The following MTUS2 variants were observed in gnomAD, a reference collection of about 807,000 sequenced individuals.
MTUS2 encodes microtubule-associated tumor suppressor candidate 2.
MTUS2 carries 40 observed loss-of-function variants against 114.1 expected under a neutral mutation model. The observed-to-expected ratio is 0.35, with a 90% CI of 0.27 to 0.46. The LOEUF (loss-of-function observed/expected upper bound fraction) is 0.46. Ranked by LOEUF, MTUS2 falls within the 20% of genes least tolerant of loss-of-function variation. MTUS2 has a pLI of 1.00. For missense variants in MTUS2, 1,679 were observed against 1,705.4 expected (o/e 0.98, Z 0.27); for synonymous variants, 688 against 672.0 (o/e 1.02, Z -0.37).
At chr13:29,027,205 T>G (rs2138492583) in intron 3 of MTUS2, among the ~76,000 whole-genome samples, 1 of 152,328 alleles carries the variant, frequency 6.6e-6, no homozygotes, top group Non-Finnish European at 1.5e-5. Flanking sequence ...CTTCCATGTT[T>G]AAATAAGTGA....
chr13:29,051,039 A>C (rs1333641891), intron 4 of MTUS2, among the ~76,000 whole-genome samples: 1 of 152,176 alleles, frequency 6.6e-6, no homozygotes, highest in African/African-American at 2.4e-5. Context: ...AAAGTTTTAA[A>C]CATCATCTGA....
intron 5 of MTUS2, chr13:29,250,698 C>T (rs1472592876): frequency 6.6e-6 from 1 of 152,106 alleles, no homozygotes; most frequent in Non-Finnish European, 1.5e-5. Context: ...CATACGACTT[C>T]TCATTTTGAA....
chr13:29,224,174 A>C (rs1436177610), intron 5 of MTUS2, among the ~76,000 whole-genome samples: 5 of 152,218 alleles, frequency 3.3e-5, no homozygotes, highest in African/African-American at 1.2e-4. Context: ...TAAAGGTGCC[A>C]CTGGCCATAA....
At chr13:29,152,400 A>G (rs756270677) in intron 5 of MTUS2, among the ~76,000 whole-genome samples, 6 of 152,200 alleles carry the variant, frequency 3.9e-5, no homozygotes, top group Non-Finnish European at 8.8e-5. Context: ...CTGAATAACA[A>G]GTTATCCCAA....
Position 29,158,941 on chromosome 13 carries a change from G to T in MTUS2, c.2644+57971G>T, listed in dbSNP as rs928006. 2.6e-5 allele frequency among the ~76,000 whole-genome samples: 4 copies of T among 152,070 alleles called. No homozygotes were observed. The East Asian group carries it at 5.8e-4, about 22-fold the overall frequency. On this transcript the variant is annotated intron_variant, in intron 5 of 15. Transcript: ENST00000612955. ...CATAAACCAGCAGAGCCCAGGAACG[G>T]GAGGGCTCAACTTGATGGAGCAGTA... is the stretch of plus-strand genomic sequence containing the variant.
intron 4 of MTUS2, among the ~76,000 whole-genome samples, chr13:29,057,534 C>T (rs1192485583): frequency 6.6e-6 from 1 of 152,114 alleles, no homozygotes; most frequent in Non-Finnish European, 1.5e-5. Context: ...GAACTGAATC[C>T]TCTGCCATTA....
rs149211678 is a variant in MTUS2 at position 29,498,681 on chromosome 13, T to C, written c.3798+144T>C. The C allele has an allele frequency of 2.0e-4, 232 of 1,155,738 alleles. 1 individual carries two copies. In the Middle Eastern group the frequency reaches 2.4e-3, roughly 12 times the overall value. The allele number at this position is 1,155,738 out of a possible 1,614,324, so 71.6% of individuals were successfully genotyped here. ...AAGCAGAAAATCCCACAGCTGGCCTTTCCCAGGAATCCAGGAGCTCTCATA... is the reference window on the plus strand; with the variant it reads ...AAGCAGAAAATCCCACAGCTGGCCTCTCCCAGGAATCCAGGAGCTCTCATA... On this transcript the variant is annotated intron_variant, in intron 14 of 15. Transcript: ENST00000612955.
At chr13:28,832,520 T>A (rs372177166) in intron 1 of MTUS2, among the ~76,000 whole-genome samples, 1 of 146,632 alleles carries the variant, frequency 6.8e-6, no homozygotes, top group African/African-American at 2.5e-5. Context: ...ATTTTTTTTT[T>A]AGCTGTTAAT....
At chr13:29,501,315 C>G in intron 15 of MTUS2, 121 bp downstream of exon 15, 1 of 742,198 alleles carries the variant, frequency 1.3e-6, no homozygotes. Context: ...CTGTTTTCCC[C>G]AAGACCTGAA....
chr13:28,891,749 G>A (rs565802067), intron 2 of MTUS2, among the ~76,000 whole-genome samples: 50 of 150,634 alleles, frequency 3.3e-4, no homozygotes, highest in African/African-American at 8.0e-4. Context: ...GTGCTGGTGC[G>A]TGCCTGTAAT....
chr13:28,971,395 G>GC (rs748850604), intron 2 of MTUS2, among the ~76,000 whole-genome samples: 29 of 152,278 alleles, frequency 1.9e-4, no homozygotes, highest in Middle Eastern at 6.8e-3. Flanking sequence ...AAGTACCTAG[G>GC]ATATGTCCGA....
At chr13:29,014,628 AG>A (rs1885989505) in intron 2 of MTUS2, among the ~76,000 whole-genome samples, 1 of 152,200 alleles carries the variant, frequency 6.6e-6, no homozygotes, top group African/African-American at 2.4e-5. Flanking sequence ...CATCCAGGAA[AG>A]CCCCTCCTCA....
rs576857922 is a variant in MTUS2, at chr13:28,978,714, A to G, written c.-242-45743A>G. ...CTGTAGAGTGTAATTCCTCATGATA[A>G]CATCCTTTTGTTGTAAGACAGCAGC... On this transcript the variant is annotated intron_variant, in intron 2 of 15. Transcript: ENST00000612955. Among the ~76,000 whole-genome samples the G allele has an allele frequency of 5.9e-5, 9 of 152,304 alleles. No homozygotes were observed. The South Asian group carries it at 1.0e-3, about 18-fold the overall frequency.
intron 2 of MTUS2, among the ~76,000 whole-genome samples, chr13:28,856,895 A>T (rs948288419): frequency 6.6e-6 from 1 of 151,988 alleles, no homozygotes; most frequent in Non-Finnish European, 1.5e-5. Flanking sequence ...CTCCACTAAA[A>T]CTCCAAACCA....
At chr13:28,861,176 G>T (rs1876955630) in intron 2 of MTUS2, among the ~76,000 whole-genome samples, 1 of 152,188 alleles carries the variant, frequency 6.6e-6, no homozygotes, top group African/African-American at 2.4e-5. Flanking sequence ...AGGATGGTAC[G>T]TACAATGGGA....
At chr13:29,236,679 T>A (rs1348634273) in intron 5 of MTUS2, among the ~76,000 whole-genome samples, 3 of 152,186 alleles carry the variant, frequency 2.0e-5, no homozygotes, top group East Asian at 1.9e-4. Context: ...TAGTGCAGAA[T>A]GTCTAGTGTC....
At chr13:29,382,068 G>A (rs1872255530) in intron 8 of MTUS2, among the ~76,000 whole-genome samples, 1 of 152,156 alleles carries the variant, frequency 6.6e-6, no homozygotes, top group Non-Finnish European at 1.5e-5. Context: ...TGGAGGAATC[G>A]ATCAAGTCAC....
At chr13:29,080,345 G>T (rs535461930) in intron 4 of MTUS2, among the ~76,000 whole-genome samples, 28 of 152,286 alleles carry the variant, frequency 1.8e-4, no homozygotes, top group Admixed American at 1.7e-3. Context: ...ACATTAATTG[G>T]AACTTTAGCA....
intron 2 of MTUS2, among the ~76,000 whole-genome samples, chr13:28,881,091 C>G (rs528475528): frequency 6.6e-6 from 1 of 152,292 alleles, no homozygotes; most frequent in Admixed American, 6.5e-5. Context: ...GTAGTGGACA[C>G]TGTACCCAAT....
Sources: gnomAD v4.1 joint callset for allele counts (sites outside exome capture counted in the v4.1 genomes callset) on GRCh38, gnomAD v4.1.1 for gene constraint, MANE v1.5 for transcripts, NCBI Gene and HGNC (gene_info 2026-07-23, HGNC 2026-07-21) for gene names.